Variants in GPHN observed in about 807,000 individuals in gnomAD.
GPHN encodes gephyrin.
In GPHN, 17 loss-of-function variants were observed where a neutral mutation model predicts 95.5. The ratio of observed to expected loss-of-function variants is 0.18; its 90% confidence interval spans 0.12 to 0.27. GPHN has a LOEUF of 0.27. Among genes scored for constraint, GPHN ranks in the 10% least tolerant of loss-of-function variants. The probability of loss-of-function intolerance (pLI) is 1.00; values close to 1 mark genes in which losing one functional copy is unlikely to be tolerated. For missense variants in GPHN, 660 were observed against 978.1 expected, an observed-to-expected ratio of 0.67 and a Z score of 4.34; for synonymous variants, 320 against 322.5, an observed-to-expected ratio of 0.99 and a Z score of 0.08.
At chr14:67,002,727 A>G (rs1418431116) in intron 9 of GPHN, among the ~76,000 whole-genome samples, 2 of 151,544 alleles carry the variant, frequency 1.3e-5, no homozygotes, top group Non-Finnish European at 3.0e-5. Flanking sequence ...TAACAGCTTA[A>G]TATTACTTGG....
At chr14:66,997,449 T>G (rs1202526309) in intron 9 of GPHN, among the ~76,000 whole-genome samples, 1 of 152,000 alleles carries the variant, frequency 6.6e-6, no homozygotes, top group Non-Finnish European at 1.5e-5. Context: ...AATTTCTACA[T>G]GTATTTACTT....
chr14:67,473,600 G>T, the GPHN span: 1 of 1,604,078 alleles, frequency 6.2e-7, no homozygotes, highest in Non-Finnish European at 8.5e-7. This position sits in a 1 kb window ranked among gnomAD's most constrained non-coding sequence, Gnocchi z 6.5. Flanking sequence ...AGTCAAAGTC[G>T]AACTGGGAGT....
intron 10 of GPHN, among the ~76,000 whole-genome samples, chr14:67,050,855 C>T (rs1285524829): frequency 1.4e-5 from 2 of 144,060 alleles, no homozygotes; most frequent in Non-Finnish European, 3.1e-5. Flanking sequence ...GAGTGACAGC[C>T]AACCCAGGAT....
At chr14:67,042,690 C>T (rs1191799137) in intron 10 of GPHN, among the ~76,000 whole-genome samples, 4 of 151,660 alleles carry the variant, frequency 2.6e-5, no homozygotes, top group Non-Finnish European at 4.4e-5. Flanking sequence ...TCTTCTTGCC[C>T]AGGATTGTCA....
At chr14:67,170,315 A>G (rs1201282152) in intron 21 of GPHN, among the ~76,000 whole-genome samples, 9 of 152,190 alleles carry the variant, frequency 5.9e-5, no homozygotes, top group Non-Finnish European at 1.5e-5. Context: ...GGAAAAAGAA[A>G]TAAAAACCAT....
At chr14:67,657,573 A>G in the GPHN span, among the ~76,000 whole-genome samples, 1 of 151,098 alleles carries the variant, frequency 6.6e-6, no homozygotes, top group African/African-American at 2.4e-5. Flanking sequence ...CCAAGTTCTT[A>G]GCTGTTCAAA....
At position 66,784,514 on chromosome 14, in the gene GPHN, T is replaced by G. The variant is rs565104409; in HGVS notation, c.201+7993T>G. On this transcript the variant is annotated intron_variant, in intron 3 of 22. Transcript: ENST00000478722. ...ACAATAGATTGTATTTTCTTATAAT[T>G]TTTAAAATCACAGTTATACTGTATA... Among the ~76,000 whole-genome samples, 13 of 152,280 alleles carry G rather than the reference T, an allele frequency of 8.5e-5. No homozygotes were observed. The East Asian group carries it at 2.5e-3, about 29-fold the overall frequency.
At chr14:66,692,863 T>C (rs1229135909) in intron 2 of GPHN, among the ~76,000 whole-genome samples, 1 of 152,158 alleles carries the variant, frequency 6.6e-6, no homozygotes, top group Non-Finnish European at 1.5e-5. Context: ...GTTTGAATTA[T>C]AGTGTTATAT....
At chr14:67,520,659 A>C in the GPHN span, among the ~76,000 whole-genome samples, 1 of 145,994 alleles carries the variant, frequency 6.8e-6, no homozygotes, top group Non-Finnish European at 1.5e-5. Context: ...GCAGGTTTTT[A>C]TGTGGACATA....
chr14:67,447,058 C>A, the GPHN span: 3 of 152,106 alleles, frequency 2.0e-5, no homozygotes, highest in African/African-American at 4.8e-5. Context: ...GTTTACACTG[C>A]TTTAATGAAA....
At chr14:67,413,505 G>A in the GPHN span, among the ~76,000 whole-genome samples, 1 of 152,358 alleles carries the variant, frequency 6.6e-6, no homozygotes, top group East Asian at 1.9e-4. Flanking sequence ...TAGAGAGGAA[G>A]AAGGTGAACC....
chr14:66,794,891 A>T (rs2060102243), intron 3 of GPHN, among the ~76,000 whole-genome samples: 1 of 152,200 alleles, frequency 6.6e-6, no homozygotes. Context: ...ATACAAAAAT[A>T]TCTAACCACT....
intron 1 of GPHN, among the ~76,000 whole-genome samples, chr14:66,577,787 G>A (rs2060969080): frequency 6.6e-6 from 1 of 151,896 alleles, no homozygotes; most frequent in Non-Finnish European, 1.5e-5. Context: ...ACTATGGACA[G>A]AATTGTGACT....
At chr14:67,724,460 C>T in the GPHN span, 3 of 1,552,662 alleles carry the variant, frequency 1.9e-6, no homozygotes, top group Admixed American at 1.7e-5. Flanking sequence ...GCTCTTGTTT[C>T]CCTTGCCGAT....
At chr14:67,484,005 A>G in the GPHN span, among the ~76,000 whole-genome samples, 1 of 152,216 alleles carries the variant, frequency 6.6e-6, no homozygotes, top group Admixed American at 6.5e-5. Context: ...GGGGACTGGC[A>G]GGCTGGCATC....
chr14:67,176,418 G>A lies in GPHN; in HGVS notation c.2080-3160G>A, dbSNP rs773755334. ...ATGTTGAACCAGCCTTGCATCCCAG[G>A]GATGAAGCCCACTTGATCGTGGTGG... On this transcript the variant is annotated intron_variant, in intron 21 of 22. Coordinates refer to ENST00000478722, the MANE Select transcript of GPHN (RefSeq NM_020806.5). 2.0e-5 allele frequency among the ~76,000 whole-genome samples: 3 copies of A among 152,294 alleles called. 1 individual carries two copies. Among genetic ancestry groups the A allele is most frequent in the Middle Eastern group, 6.8e-3 (2 of 294 alleles).
intron 1 of GPHN, among the ~76,000 whole-genome samples, chr14:66,557,828 A>T (rs951904753): frequency 1.3e-5 from 2 of 152,176 alleles, no homozygotes; most frequent in East Asian, 3.9e-4. Context: ...GAATTTCTTA[A>T]AAGTTATTTA....
At chr14:67,478,991 A>G in the GPHN span, among the ~76,000 whole-genome samples, 2 of 152,222 alleles carry the variant, frequency 1.3e-5, no homozygotes, top group Admixed American at 1.3e-4. Flanking sequence ...TATACAAAAA[A>G]ATTAAACAAC....
the GPHN span, chr14:67,649,577 G>T: frequency 6.6e-6 from 1 of 152,202 alleles, no homozygotes; most frequent in African/African-American, 2.4e-5. Context: ...TGCAGGTTTA[G>T]TCAGTGGAAA....
Sources: gnomAD v4.1 joint callset for allele counts (sites outside exome capture counted in the v4.1 genomes callset) on GRCh38, gnomAD v4.1.1 for gene constraint, Gnocchi (gnomAD v3.1) non-coding constraint, MANE v1.5 for transcripts, NCBI Gene and HGNC (gene_info 2026-07-23, HGNC 2026-07-21) for gene names.